Variants in GALNT13 observed in about 807,000 individuals in gnomAD.
GALNT13 encodes polypeptide N-acetylgalactosaminyltransferase 13.
GALNT13 carries 28 observed loss-of-function variants against 64.2 expected under a neutral mutation model. The ratio of observed to expected loss-of-function variants is 0.44; its 90% confidence interval spans 0.32 to 0.60. GALNT13 has a LOEUF of 0.60. Ranked by LOEUF, GALNT13 falls within the 20% of genes least tolerant of loss-of-function variation. The pLI, the probability that GALNT13 is intolerant of heterozygous loss-of-function variation, is 0.05. For missense variants in GALNT13, 577 were observed against 669.8 expected, an observed-to-expected ratio of 0.86 and a Z score of 1.53; for synonymous variants, 214 against 224.6, an observed-to-expected ratio of 0.95 and a Z score of 0.42.
intron 3 of GALNT13, among the ~76,000 whole-genome samples, chr2:153,955,837 C>T (rs951332975): frequency 6.6e-6 from 1 of 152,162 alleles, no homozygotes; most frequent in Non-Finnish European, 1.5e-5. Flanking sequence ...CCGAGAACAT[C>T]CAGCTGACTA....
intron 3 of GALNT13, among the ~76,000 whole-genome samples, chr2:153,990,705 G>A (rs143628228): frequency 1.8e-4 from 28 of 152,222 alleles, no homozygotes; most frequent in African/African-American, 6.7e-4. Context: ...ATATCCCAAA[G>A]CAGTGTTAGC....
At chr2:153,389,619 C>A in the GALNT13 span, among the ~76,000 whole-genome samples, 1 of 152,158 alleles carries the variant, frequency 6.6e-6, no homozygotes, top group East Asian at 1.9e-4. Flanking sequence ...CCCGGAGGTC[C>A]ATTTGAAGTT....
chr2:154,378,236 C>G (rs756001684), intron 9 of GALNT13, among the ~76,000 whole-genome samples: 1 of 152,132 alleles, frequency 6.6e-6, no homozygotes, highest in Non-Finnish European at 1.5e-5. Flanking sequence ...TTCTGCTATA[C>G]TTGCTCAATA....
At chr2:153,285,954 GA>G in the GALNT13 span, among the ~76,000 whole-genome samples, 1 of 152,046 alleles carries the variant, frequency 6.6e-6, no homozygotes, top group African/African-American at 2.4e-5. Context: ...TTATACCTAT[GA>G]AACACAAGAG....
In GALNT13 at chr2:154,450,614, G is replaced by T; in HGVS notation, c.*63G>T. ...TTGTTTTTCCATTATTTCAATTGGG[G>T]GAAAATATTAACTTTGCTGAATTGA... On this transcript the variant is annotated 3_prime_UTR_variant, in exon 13 of 13. Coordinates refer to ENST00000392825, the MANE Select transcript of GALNT13 (RefSeq NM_052917.4). 7.2e-7 allele frequency: 1 copy of T among 1,384,874 alleles called. No individual in the cohort carries two copies. Among genetic ancestry groups the T allele is most frequent in the East Asian group, 2.5e-5 (1 of 40,456 alleles). 85.8% of individuals were successfully genotyped at this position (1,384,874 alleles called of 1,614,324 possible).
At chr2:153,724,167 T>C in the GALNT13 span, among the ~76,000 whole-genome samples, 1 of 142,320 alleles carries the variant, frequency 7.0e-6, no homozygotes, top group Non-Finnish European at 1.5e-5. Flanking sequence ...TACAACTATC[T>C]GATCTTTGAC....
At chr2:153,892,784 A>T (rs547261511) in intron 1 of GALNT13, among the ~76,000 whole-genome samples, 2 of 151,900 alleles carry the variant, frequency 1.3e-5, no homozygotes, top group African/African-American at 4.8e-5. Flanking sequence ...AATTCTTTCC[A>T]TTTCTGTCCT....
At chr2:153,087,306 A>T in the GALNT13 span, among the ~76,000 whole-genome samples, 4 of 151,974 alleles carry the variant, frequency 2.6e-5, no homozygotes, top group Middle Eastern at 3.2e-3. Flanking sequence ...ATGTTAAACC[A>T]CCCCTGCATC....
the GALNT13 span, among the ~76,000 whole-genome samples, chr2:153,567,682 A>G: frequency 2.0e-5 from 3 of 152,220 alleles, no homozygotes; most frequent in Non-Finnish European, 4.4e-5. Flanking sequence ...TGGAGAAATC[A>G]CTCAAAGTAG....
chr2:153,471,887 CAAAT>C, the GALNT13 span, among the ~76,000 whole-genome samples: 9 of 152,034 alleles, frequency 5.9e-5, no homozygotes, highest in Admixed American at 4.6e-4. Flanking sequence ...TTATTGTAAA[CAAAT>C]AAATAATGTA....
chr2:153,254,066 T>G, the GALNT13 span, among the ~76,000 whole-genome samples: 2 of 152,054 alleles, frequency 1.3e-5, no homozygotes, highest in Admixed American at 6.5e-5. Flanking sequence ...CTTGTACCTC[T>G]GGTAGAATTC....
At position 154,452,239 on chromosome 2, in the gene GALNT13, G is replaced by A. The variant is rs1313720118; in HGVS notation, c.*1688G>A. 6.6e-6 allele frequency: 1 copy of A among 151,968 alleles called. No individual in the cohort carries two copies. The highest frequency in any genetic ancestry group is 1.5e-5 in the Non-Finnish European group (1 of 67,976). The allele number at this position is 151,968 out of a possible 1,614,324, so 9.4% of individuals were successfully genotyped here. On this transcript the variant is annotated 3_prime_UTR_variant, in exon 13 of 13. Coordinates refer to ENST00000392825, the MANE Select transcript of GALNT13 (RefSeq NM_052917.4). Reference sequence around the variant, plus strand: ...TGTAAGCAAAATGTTGAATATCAGGGCATTTTTTTTTCTGAGGTGGGAGTA... The same window carrying A: ...TGTAAGCAAAATGTTGAATATCAGGACATTTTTTTTTCTGAGGTGGGAGTA...
the GALNT13 span, among the ~76,000 whole-genome samples, chr2:153,551,304 G>A: frequency 1.3e-5 from 2 of 152,188 alleles, no homozygotes; most frequent in Admixed American, 1.3e-4. Context: ...TCTGGATGGG[G>A]TATCTTCATG....
chr2:153,952,638 G>A (rs947503921), intron 3 of GALNT13, among the ~76,000 whole-genome samples: 1 of 151,990 alleles, frequency 6.6e-6, no homozygotes, highest in Admixed American at 6.6e-5. Context: ...TTATCTAGAG[G>A]GACAGAACTA....
At chr2:153,187,197 C>G in the GALNT13 span, among the ~76,000 whole-genome samples, 69 of 152,280 alleles carry the variant, frequency 4.5e-4, 1 homozygote, top group African/African-American at 1.6e-3. Flanking sequence ...CCATCATAGA[C>G]AAACCCTTTT....
chr2:153,843,705 G>A, the GALNT13 span, among the ~76,000 whole-genome samples: 1 of 152,132 alleles, frequency 6.6e-6, no homozygotes, highest in Non-Finnish European at 1.5e-5. Context: ...GAAAAATCAG[G>A]TGCAAGATAT....
the GALNT13 span, among the ~76,000 whole-genome samples, chr2:153,712,466 G>A: frequency 0.015 from 2,316 of 152,198 alleles, 55 homozygotes; most frequent in African/African-American, 0.053. Context: ...CTGCAAGAAA[G>A]AAGAACCTCA....
chr2:153,870,312 G>T (rs534409194), upstream of GALNT13, among the ~76,000 whole-genome samples: 2 of 152,086 alleles, frequency 1.3e-5, no homozygotes, highest in Non-Finnish European at 2.9e-5. Flanking sequence ...ACTGCAAAAT[G>T]GAATTGCGCC....
intron 4 of GALNT13, among the ~76,000 whole-genome samples, chr2:154,174,090 T>C (rs752865545): frequency 8.5e-5 from 13 of 152,130 alleles, no homozygotes; most frequent in Non-Finnish European, 1.0e-4. Context: ...AAATTAGATA[T>C]AGATAATTTA....
Sources: allele counts gnomAD v4.1 joint callset (sites outside exome capture counted in the v4.1 genomes callset), GRCh38; gene constraint gnomAD v4.1.1; transcripts MANE v1.5; gene names NCBI Gene and HGNC (gene_info 2026-07-23, HGNC 2026-07-21).